The following HTT variants were observed in gnomAD, a reference collection of about 807,000 sequenced individuals.
HTT encodes the protein huntingtin.
Under a neutral mutation model 362.3 loss-of-function variants are expected in HTT, and 104 were observed. That is an observed-to-expected ratio of 0.29 (90% CI 0.24 to 0.34). The LOEUF is 0.34. Ranked by LOEUF, HTT falls within the 10% of genes least tolerant of loss-of-function variation. The pLI, the probability that HTT is intolerant of heterozygous loss-of-function variation, is 1.00. For synonymous variants in HTT, 1,577 were observed against 1,548.7 expected (o/e 1.02, Z -0.43); for missense variants, 3,301 against 3,928.6 (o/e 0.84, Z 4.27).
chr4:3,144,960 A>T (rs1008616667), intron 23 of HTT, among the ~76,000 whole-genome samples, 192 bp from the exon 24 acceptor site: 1 of 152,236 alleles, frequency 6.6e-6, no homozygotes. Context: ...TATAATTGCC[A>T]TTCTGATAAC....
rs111648169 is a variant in HTT, at chr4:3,166,089, G to C, written c.3864+5697G>C. Reference sequence around the variant, plus strand: ...TTTGATGTTGGTGACCTACGGATGGGGTTTTGGTGTGGGTGTCCTTTTTGT... The same window carrying C: ...TTTGATGTTGGTGACCTACGGATGGCGTTTTGGTGTGGGTGTCCTTTTTGT... On this transcript the variant is annotated intron_variant, in intron 29 of 66. Coordinates refer to ENST00000355072, the MANE Select transcript of HTT (RefSeq NM_001388492.1). Among the ~76,000 whole-genome samples the C allele has an allele frequency of 3.1e-3, 469 of 152,266 alleles. 4 individuals carry two copies. The highest frequency in any genetic ancestry group is 0.011 in the African/African-American group (455 of 41,552).
At chr4:3,186,570 A>G (rs1318960227) in intron 37 of HTT, 27 bp from the exon 38 acceptor site, 2 of 1,609,028 alleles carry the variant, frequency 1.2e-6, no homozygotes, top group Non-Finnish European at 1.7e-6. Flanking sequence ...GCTTACGTAG[A>G]AATGTTTGTG....
At chr4:3,237,887 G>A (rs775282830) in intron 64 of HTT, among the ~76,000 whole-genome samples, 3 of 152,152 alleles carry the variant, frequency 2.0e-5, no homozygotes, top group Non-Finnish European at 4.4e-5. Flanking sequence ...GGCCCTGTGT[G>A]GTAACAAGAA....
In HTT at chr4:3,238,984, C is replaced by T. The variant is rs747738619; in HGVS notation, c.9215+6C>T. On this transcript the variant is annotated splice_donor_region_variant and intron_variant, in intron 66 of 66. Transcript: ENST00000355072. ...AGCCCGTGGGTCGCGGCGATGTATC[C>T]TCTCTGGGTCCCTGGTGCTGGCCCC... 2.5e-5 allele frequency: 40 copies of T among 1,599,754 alleles called. No homozygotes were observed. In the South Asian group the frequency reaches 4.4e-4, roughly 17 times the overall value.
At chr4:3,212,844 T>A in intron 49 of HTT, 135 bp downstream of exon 49, 1 of 910,004 alleles carries the variant, frequency 1.1e-6, no homozygotes, top group Non-Finnish European at 1.7e-6. Context: ...AGCCTGGCAG[T>A]AAGTCTTGTC....
rs1327905829 is a variant in HTT, at chr4:3,218,548, G to T, written c.7242+596G>T. 1.3e-5 allele frequency among the ~76,000 whole-genome samples: 2 copies of T among 151,950 alleles called. No individual in the cohort carries two copies. The highest frequency in any genetic ancestry group is 2.9e-5 in the Non-Finnish European group (2 of 68,004). ...CTCAGGAGACTGAGACAGGAGAATC[G>T]CTTGAACCCAGGAGGCGAAGGTTGC... On this transcript the variant is annotated intron_variant, in intron 52 of 66. Transcript: ENST00000355072. The surrounding 1 kb of genome is among the most constrained non-coding windows in gnomAD (Gnocchi z 4.4).
intron 51 of HTT, among the ~76,000 whole-genome samples, chr4:3,216,926 G>A (rs1472138024): frequency 1.3e-5 from 2 of 151,040 alleles, no homozygotes; most frequent in African/African-American, 2.4e-5. Flanking sequence ...TTGGGAGGCT[G>A]AGGCAGGAGA....
intron 29 of HTT, among the ~76,000 whole-genome samples, chr4:3,168,667 T>C (rs370078595): frequency 1.3e-5 from 2 of 152,182 alleles, no homozygotes; most frequent in East Asian, 3.8e-4. Context: ...TTTATATGTT[T>C]TGTCTGGTTT....
chr4:3,149,578 GATTACGGGC>G (rs67140546), intron 26 of HTT, among the ~76,000 whole-genome samples: 10,905 of 152,102 alleles, frequency 0.072, 548 homozygotes, highest in African/African-American at 0.15. Flanking sequence ...AAAGTGTTGG[GATTACGGGC>G]ATGAGCCACC....
rs754238432 is a variant in HTT at position 3,218,380 on chromosome 4, C to G, written c.7242+428C>G. ...AGGCGCAGTAGCTCATGCCTGTAAT[C>G]CCAGCACTTTGGGAAGCCAAGGTGG... On this transcript the variant is annotated intron_variant, in intron 52 of 66. Transcript: ENST00000355072. This position sits in a 1 kb window ranked among gnomAD's most constrained non-coding sequence, Gnocchi z 4.4. Among the ~76,000 whole-genome samples, 1 of 152,178 alleles carries G rather than the reference C, an allele frequency of 6.6e-6. No homozygotes were observed. Among genetic ancestry groups the G allele is most frequent in the African/African-American group, 2.4e-5 (1 of 41,446 alleles).
rs139454515 is a variant in HTT, at chr4:3,212,414, G to A, written c.6629-150G>A. 6.6e-4 allele frequency: 696 copies of A among 1,056,204 alleles called. 11 individuals carry two copies. In the East Asian group the frequency reaches 0.016, roughly 25 times the overall value. 65.4% of individuals were successfully genotyped at this position (1,056,204 alleles called of 1,614,324 possible). A position where few individuals can be genotyped will look rare whatever the true frequency, so the allele number is the denominator to read the frequency against. Reference sequence around the variant, plus strand: ...CAGGGGAGATGCAGCCCCAAACCACGTGCAGTCCTGTGGACGGATGTGTAG... The same window carrying A: ...CAGGGGAGATGCAGCCCCAAACCACATGCAGTCCTGTGGACGGATGTGTAG... On this transcript the variant is annotated intron_variant, in intron 48 of 66. Coordinates refer to ENST00000355072, the MANE Select transcript of HTT (RefSeq NM_001388492.1).
intron 34 of HTT, 85 bp from the exon 35 acceptor site, chr4:3,178,213 T>A (rs761645062): frequency 1.8e-5 from 19 of 1,062,004 alleles, no homozygotes; most frequent in Non-Finnish European, 2.1e-5. Flanking sequence ...CTGTCAAGGT[T>A]GAATCATGAA....
At chr4:3,166,923 G>A (rs977891962) in intron 29 of HTT, among the ~76,000 whole-genome samples, 7 of 152,208 alleles carry the variant, frequency 4.6e-5, no homozygotes, top group South Asian at 2.1e-4. Context: ...GCCCTGCTTC[G>A]GCTTGCCCTC....
At chr4:3,144,175 A>G (rs1716487774) in intron 23 of HTT, among the ~76,000 whole-genome samples, 3 of 152,190 alleles carry the variant, frequency 2.0e-5, no homozygotes, top group Admixed American at 2.0e-4. Flanking sequence ...ACCAAGATAA[A>G]TTTTGGGATT....
chr4:3,124,951 G>A (rs1175197689), intron 10 of HTT, among the ~76,000 whole-genome samples: 3 of 152,170 alleles, frequency 2.0e-5, no homozygotes, highest in Non-Finnish European at 4.4e-5. Flanking sequence ...TATTAAGACT[G>A]TTGGTTTCAT....
chr4:3,147,456 G>A (rs749950253), intron 25 of HTT, among the ~76,000 whole-genome samples: 5 of 152,256 alleles, frequency 3.3e-5, no homozygotes, highest in East Asian at 3.9e-4. Context: ...CAAGGAAGAC[G>A]GAGTCCATTG....
intron 19 of HTT, among the ~76,000 whole-genome samples, chr4:3,135,146 A>C (rs1295788529): frequency 6.6e-6 from 1 of 152,172 alleles, no homozygotes; most frequent in Non-Finnish European, 1.5e-5. Flanking sequence ...ACTTTTAAAA[A>C]AATGTAGCTT....
At chr4:3,076,448 A>T (rs1451813450) in intron 1 of HTT, among the ~76,000 whole-genome samples, 1 of 152,226 alleles carries the variant, frequency 6.6e-6, no homozygotes, top group Non-Finnish European at 1.5e-5. Context: ...TTAATTAGAA[A>T]ATGATTCGGA....
chr4:3,217,939 G>C lies in HTT; in HGVS notation c.7229G>C (p.Arg2410Pro), dbSNP rs773420009. Residue 2410 changes from arginine (R) to proline (P), a missense_variant, in exon 52 of 67, where the codon CGT (arginine) becomes CCT (proline). Physicochemically the swap from Arg to Pro is moderately radical, Grantham distance 103. Transcript: ENST00000355072. The part of the protein sequence containing the change: ...ARLPLVNSYT[R>P]VPPLVWKLGW... ...CTGCCCCTTGTCAACAGCTACACAC[G>C]TGTGCCCCCACTGGTGAGTCTGCTC... is the stretch of plus-strand genomic sequence containing the variant. The C allele has an allele frequency of 6.2e-7, 1 of 1,610,332 alleles. No homozygotes were observed. Among genetic ancestry groups the C allele is most frequent in the South Asian group, 1.1e-5 (1 of 90,564 alleles).
Sources: allele counts gnomAD v4.1 joint callset (sites outside exome capture counted in the v4.1 genomes callset), GRCh38; gene constraint gnomAD v4.1.1; non-coding constraint Gnocchi (gnomAD v3.1); transcripts MANE v1.5; gene names NCBI Gene and HGNC (gene_info 2026-07-23, HGNC 2026-07-21).